PTPRD: variants seen among roughly 807,000 people sequenced by gnomAD.
PTPRD encodes the protein protein tyrosine phosphatase receptor type D, also known as receptor-type tyrosine-protein phosphatase delta.
Under a neutral mutation model 214.5 loss-of-function variants are expected in PTPRD, and 34 were observed. The ratio of observed to expected loss-of-function variants is 0.16; its 90% CI spans 0.12 to 0.21. PTPRD has a LOEUF of 0.21. PTPRD is among the 10% of genes least tolerant of loss of function. PTPRD has a pLI of 1.00. For missense variants in PTPRD, 2,545 were observed against 2,398.7 expected (o/e 1.06, Z -1.27); for synonymous variants, 1,128 against 845.7 (o/e 1.33, Z -5.79).
At chr9:9,050,559 T>C (rs1305293800) in intron 10 of PTPRD, among the ~76,000 whole-genome samples, 1 of 152,150 alleles carries the variant, frequency 6.6e-6, no homozygotes, top group Non-Finnish European at 1.5e-5. Flanking sequence ...AGTTTGAACA[T>C]ATTAAATGAA....
intron 8 of PTPRD, among the ~76,000 whole-genome samples, chr9:9,462,451 T>C (rs1464575970): frequency 6.6e-6 from 1 of 152,178 alleles, no homozygotes; most frequent in Non-Finnish European, 1.5e-5. Context: ...TGTCATAAAA[T>C]TATATGTTTA....
chr9:10,577,668 T>C (rs2069924806), intron 2 of PTPRD, among the ~76,000 whole-genome samples: 1 of 152,178 alleles, frequency 6.6e-6, no homozygotes, highest in Non-Finnish European at 1.5e-5. Flanking sequence ...ACTAACACAC[T>C]GATAAAATAT....
chr9:9,351,914 T>G (rs914690188), intron 9 of PTPRD, among the ~76,000 whole-genome samples: 1 of 151,994 alleles, frequency 6.6e-6, no homozygotes, highest in African/African-American at 2.4e-5. Context: ...GATTACATGA[T>G]TAGTCTGGAA....
At chr9:9,945,114 A>G (rs535993398) in intron 4 of PTPRD, among the ~76,000 whole-genome samples, 5 of 152,276 alleles carry the variant, frequency 3.3e-5, no homozygotes, top group South Asian at 2.1e-4. Context: ...TTTTAGATCT[A>G]TGTAAGAGGT....
chr9:9,889,232 G>A (rs2072261040), intron 5 of PTPRD, among the ~76,000 whole-genome samples: 1 of 152,002 alleles, frequency 6.6e-6, no homozygotes, highest in African/African-American at 2.4e-5. Context: ...GCAATATATT[G>A]TATTCTTGAA....
chr9:8,771,063 C>T (rs189343957), intron 11 of PTPRD, among the ~76,000 whole-genome samples: 1 of 151,876 alleles, frequency 6.6e-6, no homozygotes, highest in Non-Finnish European at 1.5e-5. Context: ...CACCTGTAGT[C>T]CCAGCTACTT....
chr9:10,488,461 A>T (rs2132550139), intron 2 of PTPRD, among the ~76,000 whole-genome samples: 1 of 151,702 alleles, frequency 6.6e-6, no homozygotes, highest in East Asian at 2.0e-4. Flanking sequence ...TTCCCTGACT[A>T]TGGCCTGTGT....
In PTPRD at chr9:8,640,242, G is replaced by A. The variant is rs143441638; in HGVS notation, c.65-3398C>T. On this transcript the variant is annotated intron_variant, in intron 12 of 45. Coordinates refer to ENST00000381196, the MANE Select transcript of PTPRD (RefSeq NM_002839.4). ...TCACGACACGCAGAGAAGTTTTTGT[G>A]TAATATTGACAAGTATAAAAATATG... Among the ~76,000 whole-genome samples the A allele has an allele frequency of 6.6e-5, 10 of 152,212 alleles. No homozygotes were observed. The South Asian group carries it at 1.0e-3, about 16-fold the overall frequency.
chr9:9,743,360 C>T (rs2098423797), intron 6 of PTPRD, among the ~76,000 whole-genome samples: 1 of 152,084 alleles, frequency 6.6e-6, no homozygotes, highest in African/African-American at 2.4e-5. Context: ...GATAATTTGC[C>T]TAACCTTCAG....
chr9:9,189,197 A>G (rs2099933555), intron 9 of PTPRD, among the ~76,000 whole-genome samples: 1 of 152,076 alleles, frequency 6.6e-6, no homozygotes, highest in Non-Finnish European at 1.5e-5. Flanking sequence ...ATCACATAGA[A>G]GGTGCTTTTG....
chr9:8,408,029 C>T (rs1180397923), intron 35 of PTPRD, among the ~76,000 whole-genome samples: 2 of 152,146 alleles, frequency 1.3e-5, no homozygotes, highest in East Asian at 1.9e-4. Context: ...ACAAAGAGAT[C>T]ATGAATGAGT....
At chr9:8,393,551 A>G (rs547792634) in intron 36 of PTPRD, among the ~76,000 whole-genome samples, 1 of 151,712 alleles carries the variant, frequency 6.6e-6, no homozygotes, top group South Asian at 2.1e-4. Flanking sequence ...TGCTGCAGGA[A>G]CTCTCTTGGA....
At chr9:10,561,180 T>G (rs10756061) in intron 2 of PTPRD, among the ~76,000 whole-genome samples, 1 of 152,148 alleles carries the variant, frequency 6.6e-6, no homozygotes, top group Non-Finnish European at 1.5e-5. Context: ...ATCCATGTCT[T>G]CTGTTTTAAG....
intron 11 of PTPRD, among the ~76,000 whole-genome samples, chr9:8,919,254 G>A (rs924876244): frequency 7.9e-5 from 12 of 151,922 alleles, no homozygotes; most frequent in Non-Finnish European, 1.0e-4. Flanking sequence ...TTAGCTGGGC[G>A]TGGTGGTGCA....
chr9:8,507,630 A>C (rs542106982), intron 21 of PTPRD, among the ~76,000 whole-genome samples, 196 bp from the exon 22 acceptor site: 2 of 152,208 alleles, frequency 1.3e-5, no homozygotes, highest in Non-Finnish European at 2.9e-5. Context: ...CCTGCTCTGG[A>C]GTAGTAGAAC....
Position 9,443,238 on chromosome 9 carries a change from A to G in PTPRD, c.-236-45756T>C, listed in dbSNP as rs556520430. On this transcript the variant is annotated intron_variant, in intron 8 of 45. Coordinates refer to ENST00000381196, the MANE Select transcript of PTPRD (RefSeq NM_002839.4). The stretch of plus-strand genomic sequence containing the variant: ...AGCTAATTATACCTGGAAAAATCAT[A>G]TGGCATAAATAAATAAATAAATAAC... 6.4e-4 allele frequency among the ~76,000 whole-genome samples: 94 copies of G among 146,914 alleles called. 1 individual carries two copies. Among genetic ancestry groups the G allele is most frequent in the Non-Finnish European group, 6.0e-5 (4 of 66,754 alleles).
intron 8 of PTPRD, among the ~76,000 whole-genome samples, chr9:9,569,145 A>G (rs1340449427): frequency 6.6e-6 from 1 of 151,694 alleles, no homozygotes; most frequent in Non-Finnish European, 1.5e-5. Context: ...GCAGCGAGTA[A>G]TAATAGTAAT....
rs117054158 is a variant in PTPRD at position 9,832,708 on chromosome 9, T to C, written c.-367-65857A>G. 3.3e-4 allele frequency among the ~76,000 whole-genome samples: 50 copies of C among 152,026 alleles called. No homozygotes were observed. In the East Asian group the frequency reaches 9.1e-3, roughly 28 times the overall value. On this transcript the variant is annotated intron_variant, in intron 5 of 45. Coordinates refer to ENST00000381196, the MANE Select transcript of PTPRD (RefSeq NM_002839.4). ...TAAATGCAAGGAAGACATAGACACT[T>C]TCCTATCAGTGGAACATAACCTCTC...
chr9:9,800,847 T>C (rs545867733), intron 5 of PTPRD, among the ~76,000 whole-genome samples: 2 of 152,282 alleles, frequency 1.3e-5, no homozygotes, highest in South Asian at 4.1e-4. Context: ...TTAAAGCTTG[T>C]AAAACAACAG....
Sources: gnomAD v4.1 joint callset for allele counts (sites outside exome capture counted in the v4.1 genomes callset) on GRCh38, gnomAD v4.1.1 for gene constraint, MANE v1.5 for transcripts, NCBI Gene and HGNC (gene_info 2026-07-23, HGNC 2026-07-21) for gene names.